Variants in GPRASP2 observed in about 807,000 individuals in gnomAD.
GPRASP2 encodes the protein G protein-coupled receptor-associated sorting protein 2.
A neutral mutation model predicts 36.0 loss-of-function variants in GPRASP2; 10 were observed. The ratio of observed to expected loss-of-function variants is 0.28; its 90% CI spans 0.17 to 0.47. The LOEUF is 0.47. Ranked by LOEUF, GPRASP2 falls within the 20% of genes least tolerant of loss-of-function variation. The pLI is 0.99. For missense variants in GPRASP2, 538 were observed against 626.7 expected, an observed-to-expected ratio of 0.86 and a Z score of 1.51; for synonymous variants, 219 against 230.5, an observed-to-expected ratio of 0.95 and a Z score of 0.45.
In GPRASP2 at chrX:102,715,767, A is replaced by G. The variant is rs374338979; in HGVS notation, c.898A>G (p.Thr300Ala). The change falls in exon 5 of 5, where the codon ACC becomes GCC. Residue 300 changes from threonine to alanine, a missense_variant. Physicochemically the swap from Thr to Ala is moderately conservative, Grantham distance 58. Coordinates refer to ENST00000483720, the MANE Select transcript of GPRASP2 (RefSeq NM_001004051.4). ...ATTCTCCTTCTGGGTTGGAGAAAATACCAATAACTTGTTCAGGCCCAGAGT... is the reference window on the plus strand; with the variant it reads ...ATTCTCCTTCTGGGTTGGAGAAAATGCCAATAACTTGTTCAGGCCCAGAGT... ...NPFSFWVGEN[T>A]NNLFRPRVRE... The G allele has an allele frequency of 2.5e-6, 3 of 1,209,946 alleles. No individual in the cohort carries two copies. The African/African-American group carries it at 5.2e-5, about 21-fold the overall frequency.
rs771310734 is a variant in GPRASP2, at chrX:102,716,421, G to A, written c.1552G>A (p.Glu518Lys). ...FRSTSPFGIP[E>K]EASEMLEAKP... ...ATCCACAAGCCCCTTTGGAATTCCC[G>A]AAGAGGCTTCTGAAATGCTTGAGGC... is the stretch of plus-strand genomic sequence containing the variant. The change falls in exon 5 of 5, where the codon GAA becomes AAA. Residue 518 changes from glutamate (E) to lysine (K), a missense_variant. Glu to Lys is a moderately conservative substitution (Grantham distance 56). Coordinates refer to ENST00000483720, the MANE Select transcript of GPRASP2 (RefSeq NM_001004051.4). 1.2e-4 allele frequency: 147 copies of A among 1,210,633 alleles called. No individual in the cohort carries two copies. Among genetic ancestry groups the A allele is most frequent in the South Asian group, 3.2e-4 (18 of 56,847 alleles).
chrX:102,716,507 T>C lies in GPRASP2; in HGVS notation c.1638T>C (p.Pro546=), dbSNP rs1435498786. The change falls in exon 5 of 5, where the codon CCT becomes CCC. Residue 546 remains proline (P), a synonymous_variant. Coordinates refer to ENST00000483720, the MANE Select transcript of GPRASP2 (RefSeq NM_001004051.4). ...AAGAGCAGGAATCTTTGCTTCAGCC[T>C]GATCAGCCTAGTCCTGAGTTCACAT... The part of the protein sequence containing the change: ...EGEEQESLLQ[P]DQPSPEFTFQ... 32 of 1,212,122 alleles carry C rather than the reference T, an allele frequency of 2.6e-5. No homozygotes were observed. The highest frequency in any genetic ancestry group is 3.6e-5 in the Non-Finnish European group (32 of 895,633).
rs990260031 is a variant in GPRASP2, at chrX:102,714,662, T to C, written c.-208T>C. The C allele has an allele frequency of 4.2e-5, 24 of 568,032 alleles. No individual in the cohort carries two copies. The African/African-American group carries it at 4.9e-4, about 12-fold the overall frequency. 46.8% of individuals were successfully genotyped at this position (568,032 alleles called of 1,213,427 possible). On this transcript the variant is annotated 5_prime_UTR_variant, in exon 5 of 5. Transcript: ENST00000483720. Reference sequence around the variant, plus strand: ...TGGTTGTACCTGTTCTCACTCTATCTGTATTATTGAATTATTGACTGAGAC... The same window carrying C: ...TGGTTGTACCTGTTCTCACTCTATCCGTATTATTGAATTATTGACTGAGAC...
At position 102,715,219 on chromosome X, in the gene GPRASP2, T is replaced by C; in HGVS notation, c.350T>C (p.Ile117Thr). Residue 117 changes from isoleucine to threonine, a missense_variant, in exon 5 of 5, where the codon ATC (isoleucine) becomes ACC (threonine). Ile to Thr is a moderately conservative substitution (Grantham distance 89, BLOSUM62 -1). Around this residue, in one of 2 missense-constraint regions of GPRASP2, gnomAD observed 276 missense variants for 275.0 expected, o/e 1.00. Coordinates refer to ENST00000483720, the MANE Select transcript of GPRASP2 (RefSeq NM_001004051.4). ...GARSKTDAKAIPGARPKDEAQ... is the reference protein window; with the variant it reads ...GARSKTDAKATPGARPKDEAQ... ...CGTTCTAAAACTGATGCCAAGGCAA[T>C]CCCTGGAGCAAGGCCCAAGGATGAG... 1 of 1,212,361 alleles carries C rather than the reference T, an allele frequency of 8.2e-7. No individual in the cohort carries two copies. Among genetic ancestry groups the C allele is most frequent in the Non-Finnish European group, 1.1e-6 (1 of 895,645 alleles).
chrX:102,717,062 T>C lies in GPRASP2; in HGVS notation c.2193T>C (p.Asn731=), dbSNP rs956318160. 24 of 1,202,581 alleles carry C rather than the reference T, an allele frequency of 2.0e-5. No individual in the cohort carries two copies. In the Admixed American group the frequency reaches 3.3e-4, roughly 16 times the overall value. Residue 731 remains asparagine (N), a synonymous_variant, in exon 5 of 5, where the codon AAT becomes AAC. Coordinates refer to ENST00000483720, the MANE Select transcript of GPRASP2 (RefSeq NM_001004051.4). ...TTCTCTCCTTATTAACCACAGCCAA[T>C]GCGAGAACGAAGTTTCACGTTCTGA... ...SGFLSLLTTA[N]ARTKFHVLKM...
At position 102,716,879 on chromosome X, in the gene GPRASP2, A is replaced by T; in HGVS notation, c.2010A>T (p.Pro670=). 1 of 1,210,930 alleles carries T rather than the reference A, an allele frequency of 8.3e-7. No individual in the cohort carries two copies. Among genetic ancestry groups the T allele is most frequent in the Non-Finnish European group, 1.1e-6 (1 of 895,258 alleles). The part of the protein sequence containing the change: ...ENMIHMAPPY[P]NLNMIETFIC... ...TGATTCACATGGCTCCACCTTATCC[A>T]AATCTAAACATGATTGAGACATTCA... is the stretch of plus-strand genomic sequence containing the variant. Residue 670 remains proline (P), a synonymous_variant, in exon 5 of 5, where the codon CCA becomes CCT. Coordinates refer to ENST00000483720, the MANE Select transcript of GPRASP2 (RefSeq NM_001004051.4).
chrX:102,717,267 G>T lies in GPRASP2; in HGVS notation c.2398G>T (p.Asp800Tyr). The T allele has an allele frequency of 9.1e-7, 1 of 1,100,903 alleles. No homozygotes were observed. The highest frequency in any genetic ancestry group is 1.2e-6 in the Non-Finnish European group (1 of 840,892). The allele number at this position is 1,100,903 out of a possible 1,213,427, so 90.7% of individuals were successfully genotyped here. The stretch of plus-strand genomic sequence containing the variant: ...AAAAAGTGGAAAGATGTCCTTAATT[G>T]ATGATGATTTCAGTCTTGAGCCGCT... Reference protein sequence around the residue: ...IIKSGKMSLIDDDFSLEPLIS... With the variant: ...IIKSGKMSLIYDDFSLEPLIS... The change falls in exon 5 of 5, where the codon GAT (aspartate) becomes TAT (tyrosine). Residue 800 changes from aspartate to tyrosine, a missense_variant. Asp to Tyr is a radical substitution (Grantham distance 160). This residue lies in a region of GPRASP2 where 262 missense variants were observed against 351.7 expected (regional missense o/e 0.74). Coordinates refer to ENST00000483720, the MANE Select transcript of GPRASP2 (RefSeq NM_001004051.4).
In GPRASP2 at chrX:102,715,122, A is replaced by G. The variant is rs1357364841; in HGVS notation, c.253A>G (p.Arg85Gly). 1 of 1,211,625 alleles carries G rather than the reference A, an allele frequency of 8.3e-7. No homozygotes were observed. Among genetic ancestry groups the G allele is most frequent in the African/African-American group, 1.7e-5 (1 of 57,674 alleles). The change falls in exon 5 of 5, where the codon AGA becomes GGA. Residue 85 changes from arginine (R) to glycine (G), a missense_variant. Arg to Gly is a moderately radical substitution (Grantham distance 125). Around this residue, in one of 2 missense-constraint regions of GPRASP2, gnomAD observed 276 missense variants for 275.0 expected, o/e 1.00. Transcript: ENST00000483720. Reference protein sequence around the residue: ...KTEVQVMGGARPKTEAQGITG... With the variant: ...KTEVQVMGGAGPKTEAQGITG... ...TGAGGTCCAAGTAATGGGTGGTGCA[A>G]GACCCAAAACGGAGGCTCAAGGAAT... is the stretch of plus-strand genomic sequence containing the variant.
chrX:102,714,396 A>T (rs761258010), intron 4 of GPRASP2, 130 bp downstream of exon 4: 72 of 119,536 alleles, frequency 6.0e-4, no homozygotes, highest in Non-Finnish European at 1.1e-3. Flanking sequence ...CCATTGTTGG[A>T]CCTGTTTTGT....
rs778180019 is a variant in GPRASP2, at chrX:102,716,134, C to T, written c.1265C>T (p.Ala422Val). ...GAGGAGGGGGCCATTGGCGGATCCG[C>T]GTACTGGGCTGAGGAAAAGTCCAGT... ...GTEEGAIGGS[A>V]YWAEEKSSLG... Residue 422 changes from alanine to valine, a missense_variant, in exon 5 of 5, where the codon GCG becomes GTG. Ala to Val is a moderately conservative substitution (Grantham distance 64). Transcript: ENST00000483720. The T allele has an allele frequency of 7.5e-6, 9 of 1,197,492 alleles. No homozygotes were observed. In the East Asian group the frequency reaches 8.9e-5, roughly 12 times the overall value.
rs773649162 is a variant in GPRASP2 at position 102,716,049 on chromosome X, GA to G, written c.1185del (p.Glu396ArgfsTer68). 2 of 1,195,643 alleles carry G rather than the reference GA, an allele frequency of 1.7e-6. No homozygotes were observed. Among genetic ancestry groups the G allele is most frequent in the Non-Finnish European group, 2.2e-6 (2 of 889,207 alleles). ...CATTATTGGGTCCTGGTTCTGGGCA[GA>G]AAAAGAGGCCAGTTTGGAGGGTGGA... ...EVIIGSWFWA[E>X]KEASLEGGAS... is the part of the protein sequence containing the mutation. On this transcript the variant is annotated frameshift_variant, in exon 5 of 5. Coordinates refer to ENST00000483720, the MANE Select transcript of GPRASP2 (RefSeq NM_001004051.4). LOFTEE classifies it high-confidence loss of function.
rs200538271 is a variant in GPRASP2 at position 102,715,051 on chromosome X, G to A, written c.182G>A (p.Arg61Lys). 68 of 1,211,648 alleles carry A rather than the reference G, an allele frequency of 5.6e-5. No individual in the cohort carries two copies. Among genetic ancestry groups the A allele is most frequent in the Non-Finnish European group, 7.3e-5 (65 of 895,537 alleles). The change falls in exon 5 of 5, where the codon AGG becomes AAG. Residue 61 changes from arginine (R) to lysine (K), a missense_variant. Arg to Lys is a conservative substitution (Grantham distance 26, BLOSUM62 2). Transcript: ENST00000483720. Reference sequence around the variant, plus strand: ...GAGACCAAGTCTGTGCCTGCGGCAAGGCCCAAAACTGAGGCCCAAGCAATG... The same window carrying A: ...GAGACCAAGTCTGTGCCTGCGGCAAAGCCCAAAACTGAGGCCCAAGCAATG... ...KTETKSVPAARPKTEAQAMSG... is the reference protein window; with the variant it reads ...KTETKSVPAAKPKTEAQAMSG...
rs2081968570 is a variant in GPRASP2, at chrX:102,716,576, G to A, written c.1707G>A (p.Glu569=). The part of the protein sequence containing the change: ...PSYRSVREIR[E]HLRARESAES... ...ACCGGTCAGTCCGGGAAATTCGAGA[G>A]CATCTTAGGGCCAGGGAGAGTGCAG... Residue 569 remains glutamate, a synonymous_variant, in exon 5 of 5, where the codon GAG becomes GAA. Coordinates refer to ENST00000483720, the MANE Select transcript of GPRASP2 (RefSeq NM_001004051.4). 1 of 1,210,396 alleles carries A rather than the reference G, an allele frequency of 8.3e-7. No individual in the cohort carries two copies. The highest frequency in any genetic ancestry group is 2.2e-5 in the Admixed American group (1 of 45,785).
rs1196798613 is a variant in GPRASP2 at position 102,717,605 on chromosome X, G to A, written c.*219G>A. The A allele has an allele frequency of 1.0e-5, 5 of 484,522 alleles. No individual in the cohort carries two copies. Among genetic ancestry groups the A allele is most frequent in the African/African-American group, 2.5e-5 (1 of 39,824 alleles). The allele number at this position is 484,522 out of a possible 1,213,427, so 39.9% of individuals were successfully genotyped here. On this transcript the variant is annotated 3_prime_UTR_variant, in exon 5 of 5. Transcript: ENST00000483720. ...ATATTTGTCTTGCTGTCCAGATTGC[G>A]GTATTTTTCAGTATTAAGTTTTCAA...
rs1260733359 is a variant in GPRASP2, at chrX:102,716,609, G to A, written c.1740G>A (p.Glu580=). Residue 580 remains glutamate (E), a synonymous_variant, in exon 5 of 5, where the codon GAG becomes GAA. Transcript: ENST00000483720. The stretch of plus-strand genomic sequence containing the variant: ...GGGCCAGGGAGAGTGCAGAGTCTGA[G>A]AGTTGGTCCTGCAGCTGCATACAAT... The part of the protein sequence containing the change: ...HLRARESAES[E]SWSCSCIQCE... The A allele has an allele frequency of 8.3e-7, 1 of 1,210,522 alleles. No individual in the cohort carries two copies. The highest frequency in any genetic ancestry group is 1.7e-5 in the African/African-American group (1 of 57,294).
rs770133435 is a variant in GPRASP2, at chrX:102,716,041, T to A, written c.1172T>A (p.Phe391Tyr). 8.3e-7 allele frequency: 1 copy of A among 1,197,690 alleles called. No individual in the cohort carries two copies. The highest frequency in any genetic ancestry group is 3.0e-5 in the East Asian group (1 of 33,735). Residue 391 changes from phenylalanine to tyrosine, a missense_variant, in exon 5 of 5, where the codon TTC becomes TAC. Phe to Tyr is a conservative substitution (Grantham distance 22). This residue lies in a region of GPRASP2 where 262 missense variants were observed against 351.7 expected (regional missense o/e 0.74). Coordinates refer to ENST00000483720, the MANE Select transcript of GPRASP2 (RefSeq NM_001004051.4). The part of the protein sequence containing the change: ...FEEEVIIGSW[F>Y]WAEKEASLEG... ...GAGGAAGTCATTATTGGGTCCTGGT[T>A]CTGGGCAGAAAAAGAGGCCAGTTTG...
Position 102,717,605 on chromosome X carries a change from G to T in GPRASP2, c.*219G>T. 2.1e-6 allele frequency: 1 copy of T among 486,075 alleles called. No homozygotes were observed. Among genetic ancestry groups the T allele is most frequent in the Non-Finnish European group, 2.9e-6 (1 of 341,632 alleles). The allele number at this position is 486,075 out of a possible 1,213,427, so 40.1% of individuals were successfully genotyped here. A position where few individuals can be genotyped will look rare whatever the true frequency, so the allele number is the denominator to read the frequency against. ...ATATTTGTCTTGCTGTCCAGATTGC[G>T]GTATTTTTCAGTATTAAGTTTTCAA... On this transcript the variant is annotated 3_prime_UTR_variant, in exon 5 of 5. Transcript: ENST00000483720.
rs2081939855 is a variant in GPRASP2, at chrX:102,715,038, G to T, written c.169G>T (p.Val57Leu). 5.0e-6 allele frequency: 6 copies of T among 1,211,346 alleles called. No individual in the cohort carries two copies. The highest frequency in any genetic ancestry group is 6.7e-6 in the Non-Finnish European group (6 of 895,447). ...AAGGCCCAAAACTGAGACCAAGTCT[G>T]TGCCTGCGGCAAGGCCCAAAACTGA... ...GARPKTETKSVPAARPKTEAQ... is the reference protein window; with the variant it reads ...GARPKTETKSLPAARPKTEAQ... The change falls in exon 5 of 5, where the codon GTG becomes TTG. Residue 57 changes from valine to leucine, a missense_variant. Coordinates refer to ENST00000483720, the MANE Select transcript of GPRASP2 (RefSeq NM_001004051.4).
rs1665758336 is a variant in GPRASP2, at chrX:102,716,559, G to A, written c.1690G>A (p.Val564Ile). The A allele has an allele frequency of 3.3e-6, 4 of 1,210,424 alleles. No homozygotes were observed. The highest frequency in any genetic ancestry group is 1.8e-5 in the South Asian group (1 of 56,823). Residue 564 changes from valine to isoleucine, a missense_variant, in exon 5 of 5, where the codon GTC becomes ATC. Physicochemically the swap from Val to Ile is conservative, Grantham distance 29. Around this residue, in one of 2 missense-constraint regions of GPRASP2, gnomAD observed 262 missense variants for 351.7 expected, o/e 0.74. Coordinates refer to ENST00000483720, the MANE Select transcript of GPRASP2 (RefSeq NM_001004051.4). ...TFQYDPSYRSVREIREHLRAR... is the reference protein window; with the variant it reads ...TFQYDPSYRSIREIREHLRAR... Reference sequence around the variant, plus strand: ...TCAGTATGATCCTTCCTACCGGTCAGTCCGGGAAATTCGAGAGCATCTTAG... The same window carrying A: ...TCAGTATGATCCTTCCTACCGGTCAATCCGGGAAATTCGAGAGCATCTTAG...
Sources: gnomAD v4.1 joint callset for allele counts on GRCh38, gnomAD v4.1.1 for gene constraint, gnomAD v4.1.1 regional missense constraint, MANE v1.5 for transcripts, NCBI Gene and HGNC (gene_info 2026-07-23, HGNC 2026-07-21) for gene names.